The following RARB variants were observed in gnomAD, a reference collection of about 807,000 sequenced individuals.
RARB encodes retinoic acid receptor beta, also known as HBV-activated protein.
RARB carries 17 observed loss-of-function variants against 51.9 expected under a neutral mutation model. The ratio of observed to expected loss-of-function variants is 0.33; its 90% CI spans 0.22 to 0.49. RARB has a LOEUF of 0.49. Among genes scored for constraint, RARB ranks in the 20% least tolerant of loss-of-function variants. The pLI is 0.99. For missense variants in RARB, 369 were observed against 550.8 expected (o/e 0.67, Z 3.30); for synonymous variants, 215 against 195.4 (o/e 1.10, Z -0.84).
chr3:25,030,570 C>T (rs1406046222), intron 2 of RARB, among the ~76,000 whole-genome samples: 1 of 152,188 alleles, frequency 6.6e-6, no homozygotes, highest in Non-Finnish European at 1.5e-5. Context: ...TTATCTCATG[C>T]TTCTTCCTGG....
chr3:25,130,127 A>G (rs1322635009), intron 3 of RARB, among the ~76,000 whole-genome samples: 1 of 152,064 alleles, frequency 6.6e-6, no homozygotes, highest in Non-Finnish European at 1.5e-5. Flanking sequence ...ACAAACAGGA[A>G]CATGACAGGC....
At chr3:25,192,163 T>C (rs938992211) in intron 5 of RARB, among the ~76,000 whole-genome samples, 3 of 152,130 alleles carry the variant, frequency 2.0e-5, no homozygotes, top group Non-Finnish European at 4.4e-5. Context: ...AGAATATGAA[T>C]GAGAAACCTT....
intron 5 of RARB, among the ~76,000 whole-genome samples, chr3:25,192,053 G>C (rs1397436783): frequency 6.6e-6 from 1 of 152,052 alleles, no homozygotes; most frequent in East Asian, 1.9e-4. Context: ...CAATGATTGA[G>C]AGTTTTGAAT....
Position 25,596,457 on chromosome 3 carries a change from T to A in RARB, c.1188T>A (p.Pro396=), listed in dbSNP as rs773610166. The change falls in exon 8 of 8, where the codon CCT becomes CCA. Residue 396 remains proline, a synonymous_variant. Transcript: ENST00000330688. ...ERVITLKMEI[P]GSMPPLIQEM... is the part of the protein sequence containing the mutation. ...TAATTACCTTGAAAATGGAAATTCC[T>A]GGATCAATGCCACCTCTCATTCAAG... 35 of 1,613,614 alleles carry A rather than the reference T, an allele frequency of 2.2e-5. 1 individual carries two copies. In the South Asian group the frequency reaches 3.6e-4, roughly 17 times the overall value.
At chr3:24,847,826 G>C (rs1702503802) in intron 1 of RARB, among the ~76,000 whole-genome samples, 1 of 152,188 alleles carries the variant, frequency 6.6e-6, no homozygotes. Flanking sequence ...AAATACCCAA[G>C]TGATATTGCA....
chr3:25,127,624 G>A (rs1269346149), intron 3 of RARB, among the ~76,000 whole-genome samples: 1 of 152,034 alleles, frequency 6.6e-6, no homozygotes, highest in African/African-American at 2.4e-5. Flanking sequence ...TTAGTAAAGG[G>A]GAGGAGAGTG....
chr3:25,176,903 T>A (rs1450600795), intron 5 of RARB, among the ~76,000 whole-genome samples: 1 of 152,184 alleles, frequency 6.6e-6, no homozygotes, highest in Non-Finnish European at 1.5e-5. Flanking sequence ...ATAGTGGCAA[T>A]TGAATAGATT....
chr3:24,910,750 T>C (rs1338978896), intron 2 of RARB, among the ~76,000 whole-genome samples: 1 of 152,178 alleles, frequency 6.6e-6, no homozygotes, highest in Admixed American at 6.5e-5. Flanking sequence ...GTCAACCCGA[T>C]GCAGAAAAGA....
At chr3:25,102,600 G>C (rs1699425632) in intron 3 of RARB, among the ~76,000 whole-genome samples, 1 of 151,640 alleles carries the variant, frequency 6.6e-6, no homozygotes, top group Admixed American at 6.6e-5. Context: ...ATATATATTT[G>C]AATATATATA....
At chr3:25,251,015 T>G (rs577423118) in intron 5 of RARB, among the ~76,000 whole-genome samples, 19 of 152,256 alleles carry the variant, frequency 1.2e-4, no homozygotes, top group Non-Finnish European at 2.8e-4. Flanking sequence ...CTTAGGTGTT[T>G]CCTGTTACTT....
At chr3:25,283,746 C>A (rs1703580834) in intron 5 of RARB, among the ~76,000 whole-genome samples, 1 of 152,110 alleles carries the variant, frequency 6.6e-6, no homozygotes, top group African/African-American at 2.4e-5. Context: ...AGCCACAGGC[C>A]CTTCTAAGGG....
intron 7 of RARB, among the ~76,000 whole-genome samples, chr3:25,596,212 A>G (rs543374689): frequency 1.3e-5 from 2 of 152,298 alleles, no homozygotes; most frequent in East Asian, 3.9e-4. Flanking sequence ...TCCCATTCCA[A>G]ATACATTTAT....
intron 2 of RARB, among the ~76,000 whole-genome samples, chr3:24,939,295 G>A (rs985348490): frequency 1.3e-5 from 2 of 152,130 alleles, no homozygotes; most frequent in African/African-American, 4.8e-5. Flanking sequence ...TACAGTGACT[G>A]TTTGAGTCCC....
intron 5 of RARB, among the ~76,000 whole-genome samples, chr3:25,420,464 C>T (rs550988665): frequency 1.3e-5 from 2 of 152,324 alleles, no homozygotes; most frequent in African/African-American, 4.8e-5. Flanking sequence ...CTAAGGGGCT[C>T]TCTCCAGCCA....
At chr3:24,962,970 T>C (rs1575093876) in intron 2 of RARB, among the ~76,000 whole-genome samples, 1 of 152,304 alleles carries the variant, frequency 6.6e-6, no homozygotes, top group East Asian at 1.9e-4. Context: ...CACCCATCCA[T>C]AATTTAATCC....
intron 2 of RARB, among the ~76,000 whole-genome samples, chr3:24,910,265 C>T (rs1694964115): frequency 1.3e-5 from 2 of 152,144 alleles, no homozygotes; most frequent in African/African-American, 4.8e-5. Flanking sequence ...CGTTGAATTG[C>T]ATTTGCCTTT....
intron 2 of RARB, among the ~76,000 whole-genome samples, chr3:24,998,162 G>A (rs1697082226): frequency 6.6e-6 from 1 of 151,870 alleles, no homozygotes; most frequent in Non-Finnish European, 1.5e-5. Flanking sequence ...AGCCTTTCAA[G>A]AATTATGAAC....
intron 5 of RARB, among the ~76,000 whole-genome samples, chr3:25,318,032 C>CTT (rs1704473692): frequency 6.6e-6 from 1 of 152,178 alleles, no homozygotes; most frequent in African/African-American, 2.4e-5. Context: ...ATATGTGTTA[C>CTT]TTAGAAAAAG....
chr3:25,047,629 G>A (rs1269730900), intron 2 of RARB, among the ~76,000 whole-genome samples: 1 of 152,190 alleles, frequency 6.6e-6, no homozygotes, highest in Non-Finnish European at 1.5e-5. Context: ...TTTAGCCTAT[G>A]CTAAGTGCTC....
Sources: allele counts gnomAD v4.1 joint callset (sites outside exome capture counted in the v4.1 genomes callset), GRCh38; gene constraint gnomAD v4.1.1; transcripts MANE v1.5; gene names NCBI Gene and HGNC (gene_info 2026-07-23, HGNC 2026-07-21).